The following PACRG variants were observed in gnomAD, a reference collection of about 807,000 sequenced individuals.
PACRG encodes the protein parkin coregulated gene protein.
Under a neutral mutation model 29.7 loss-of-function variants are expected in PACRG, and 29 were observed. That is an observed-to-expected ratio of 0.98 (90% CI 0.73 to 1.33). The LOEUF (loss-of-function observed/expected upper bound fraction) is 1.33, where lower values mean the gene tolerates loss of function less well. PACRG is among the 40% of genes most tolerant of loss of function. The pLI is 0.00. For missense variants in PACRG, 279 were observed against 316.2 expected (o/e 0.88, Z 0.89); for synonymous variants, 116 against 118.7 (o/e 0.98, Z 0.15).
At chr6:163,030,273 T>C (rs936193673) in intron 2 of PACRG, among the ~76,000 whole-genome samples, 1 of 152,224 alleles carries the variant, frequency 6.6e-6, no homozygotes, top group African/African-American at 2.4e-5. Flanking sequence ...AGTCCACTTC[T>C]ATGATACATA....
intron 4 of PACRG, among the ~76,000 whole-genome samples, chr6:163,160,960 T>A (rs905257331): frequency 3.3e-5 from 5 of 152,148 alleles, no homozygotes; most frequent in Non-Finnish European, 7.3e-5. Context: ...GCACTTTATG[T>A]GAATATGAGG....
chr6:162,869,467 CA>C (rs543065724), intron 2 of PACRG, among the ~76,000 whole-genome samples: 12 of 151,964 alleles, frequency 7.9e-5, no homozygotes, highest in Admixed American at 2.0e-4. Flanking sequence ...AGACTATTGT[CA>C]GGAAAAAAAG....
intron 2 of PACRG, among the ~76,000 whole-genome samples, chr6:162,958,850 C>CTATATAT (rs1800291654): frequency 2.1e-5 from 1 of 48,614 alleles, no homozygotes; most frequent in Non-Finnish European, 3.6e-5. Flanking sequence ...ATATATAGAG[C>CTATATAT]ATATATATAT....
chr6:162,801,892 G>A (rs1785913036), intron 1 of PACRG, among the ~76,000 whole-genome samples: 2 of 152,058 alleles, frequency 1.3e-5, no homozygotes, highest in African/African-American at 2.4e-5. Context: ...GACAAATACA[G>A]GGAATAGCAA....
chr6:163,153,716 A>C (rs1778197898), intron 4 of PACRG, among the ~76,000 whole-genome samples: 1 of 152,244 alleles, frequency 6.6e-6, no homozygotes, highest in Non-Finnish European at 1.5e-5. Context: ...CCATAAATAC[A>C]AACTAAGAAA....
chr6:162,905,438 G>C (rs1237406128), intron 2 of PACRG, among the ~76,000 whole-genome samples: 1 of 152,190 alleles, frequency 6.6e-6, no homozygotes, highest in African/African-American at 2.4e-5. Context: ...TTGCTGACCA[G>C]ACTGGCAGCA....
chr6:162,896,089 C>T (rs908265016), intron 2 of PACRG, among the ~76,000 whole-genome samples: 2 of 152,104 alleles, frequency 1.3e-5, no homozygotes, highest in South Asian at 2.1e-4. Flanking sequence ...ACCATGAAGC[C>T]GAAAGGATCA....
chr6:162,904,016 G>A (rs1056066819), intron 2 of PACRG, among the ~76,000 whole-genome samples: 2 of 152,186 alleles, frequency 1.3e-5, no homozygotes, highest in Non-Finnish European at 2.9e-5. Flanking sequence ...TGTTGATGCT[G>A]CACTCTTGAG....
intron 4 of PACRG, among the ~76,000 whole-genome samples, chr6:163,117,269 C>T (rs1196229425): frequency 1.3e-5 from 2 of 152,172 alleles, no homozygotes; most frequent in Admixed American, 1.3e-4. Flanking sequence ...GCAACAAGTA[C>T]AGAATTACTG....
intron 4 of PACRG, among the ~76,000 whole-genome samples, chr6:163,309,029 AT>A (rs143771127): frequency 0.26 from 39,838 of 151,606 alleles, 5,829 homozygotes; most frequent in African/African-American, 0.39. Context: ...TTCTGTCAGC[AT>A]TTTTTTTTTA....
intron 2 of PACRG, among the ~76,000 whole-genome samples, chr6:162,960,564 T>C (rs116304497): frequency 7.3e-4 from 111 of 152,248 alleles, no homozygotes; most frequent in South Asian, 5.4e-3. Flanking sequence ...TGAGCACATA[T>C]GGACGTAAAC....
chr6:163,280,383 T>C (rs1784188430), intron 4 of PACRG, among the ~76,000 whole-genome samples: 1 of 152,174 alleles, frequency 6.6e-6, no homozygotes, highest in Admixed American at 6.5e-5. Flanking sequence ...TGGATTTCAC[T>C]GCATCTTGAG....
At chr6:162,841,883 A>G (rs1334682606) in intron 2 of PACRG, among the ~76,000 whole-genome samples, 1 of 151,370 alleles carries the variant, frequency 6.6e-6, no homozygotes, top group African/African-American at 2.4e-5. Context: ...CAGGTTGTTC[A>G]GTTTCCATGT....
intron 4 of PACRG, among the ~76,000 whole-genome samples, chr6:163,204,212 C>T (rs918033055): frequency 9.9e-5 from 15 of 152,166 alleles, no homozygotes; most frequent in African/African-American, 3.6e-4. Flanking sequence ...AAATGTGTGA[C>T]ATGGATTGTT....
At chr6:162,727,731 G>T (rs752584426), upstream of PACRG, 4 of 1,527,096 alleles carry the variant, frequency 2.6e-6, no homozygotes, top group Non-Finnish European at 1.8e-6. Context: ...GGCGCCAGCC[G>T]CGCCTCCCAC....
At position 162,728,318 on chromosome 6, in the gene PACRG, C is replaced by A. The variant is rs367756489; in HGVS notation, c.83C>A (p.Pro28Gln). 11 of 1,613,838 alleles carry A rather than the reference C, an allele frequency of 6.8e-6. No homozygotes were observed. Among genetic ancestry groups the A allele is most frequent in the Non-Finnish European group, 9.3e-6 (11 of 1,179,998 alleles). Reference sequence around the variant, plus strand: ...AGGACCAAGCTGCTGGCACAACAGCCGCTCCCGGTGCACCAGCCTCACTCT... The same window carrying A: ...AGGACCAAGCTGCTGGCACAACAGCAGCTCCCGGTGCACCAGCCTCACTCT... ...PKRTKLLAQQ[P>Q]LPVHQPHSLV... The change falls in exon 1 of 5, where the codon CCG becomes CAG. Residue 28 changes from proline (P) to glutamine (Q), a missense_variant. Pro to Gln is a moderately conservative substitution (Grantham distance 76). Transcript: ENST00000366888.
At chr6:163,253,072 A>T (rs1223245605) in intron 4 of PACRG, among the ~76,000 whole-genome samples, 16 of 151,546 alleles carry the variant, frequency 1.1e-4, no homozygotes, top group Non-Finnish European at 1.5e-5. Flanking sequence ...TGAGGCAGGC[A>T]GATCACTTGA....
chr6:163,285,975 C>T lies in PACRG; in HGVS notation c.614-28852C>T, dbSNP rs191126748. ...CTTGTCTTGAACTTGGAGGAAAATG[C>T]TCTATTGCATGGTTCTGTCGTGTAA... On this transcript the variant is annotated intron_variant, in intron 4 of 4. Transcript: ENST00000366888. 6.2e-3 allele frequency among the ~76,000 whole-genome samples: 939 copies of T among 152,310 alleles called. 9 individuals carry two copies. Among genetic ancestry groups the T allele is most frequent in the Middle Eastern group, 0.02 (6 of 294 alleles).
At chr6:163,084,058 T>C (rs1400733182) in intron 3 of PACRG, among the ~76,000 whole-genome samples, 1 of 152,212 alleles carries the variant, frequency 6.6e-6, no homozygotes, top group African/African-American at 2.4e-5. Context: ...AGCCTCTATC[T>C]TGTTTATTAT....
Sources: gnomAD v4.1 joint callset for allele counts (sites outside exome capture counted in the v4.1 genomes callset) on GRCh38, gnomAD v4.1.1 for gene constraint, MANE v1.5 for transcripts, NCBI Gene and HGNC (gene_info 2026-07-23, HGNC 2026-07-21) for gene names.